Variants in BRSK2 observed in about 807,000 individuals in gnomAD.
BRSK2 encodes the protein serine/threonine-protein kinase BRSK2.
Under a neutral mutation model 83.3 loss-of-function variants are expected in BRSK2, and 19 were observed. The ratio of observed to expected loss-of-function variants is 0.23; its 90% CI spans 0.16 to 0.33. The LOEUF (loss-of-function observed/expected upper bound fraction) is 0.33. Among genes scored for constraint, BRSK2 ranks in the 10% least tolerant of loss-of-function variants. The pLI, the probability that BRSK2 is intolerant of heterozygous loss-of-function variation, is 1.00. For missense variants in BRSK2, 798 were observed against 1,042.3 expected, an observed-to-expected ratio of 0.77 and a Z score of 3.23; for synonymous variants, 519 against 435.4, an observed-to-expected ratio of 1.19 and a Z score of -2.39.
chr11:1,446,372 G>A (rs1852124625), intron 12 of BRSK2, among the ~76,000 whole-genome samples: 2 of 149,126 alleles, frequency 1.3e-5, no homozygotes, highest in Admixed American at 6.7e-5. Flanking sequence ...GCTGGGCTGA[G>A]CTGGGCAGGG....
intron 12 of BRSK2, among the ~76,000 whole-genome samples, chr11:1,447,644 G>A (rs957273765): frequency 1.3e-5 from 2 of 152,174 alleles, no homozygotes; most frequent in Non-Finnish European, 2.9e-5. Flanking sequence ...GGTGCGGGGT[G>A]TGCTGTCTGG....
At position 1,438,481 on chromosome 11, in the gene BRSK2, G is replaced by A. The variant is rs1850641916; in HGVS notation, c.272+90G>A. On this transcript the variant is annotated intron_variant, in intron 3 of 19. Transcript: ENST00000528841. The surrounding 1 kb of genome is among the most constrained non-coding windows in gnomAD (Gnocchi z 6.4). ...TGTCTGGGGCTTGGGGAGCACAGGG[G>A]CTGGAGGCCAGGGGCGCCTGCTGCA... is the stretch of plus-strand genomic sequence containing the variant. 5 of 1,252,094 alleles carry A rather than the reference G, an allele frequency of 4.0e-6. No homozygotes were observed. The African/African-American group carries it at 4.5e-5, about 11-fold the overall frequency. 77.6% of individuals were successfully genotyped at this position (1,252,094 alleles called of 1,614,324 possible).
chr11:1,461,136 C>T lies in BRSK2; in HGVS notation c.*413C>T, dbSNP rs908114746. ...GGCAGCTCCTCGCCTCAGCTCCGCA[C>T]GGCCCGTGGGAGGAAGGCCAGGCTC... On this transcript the variant is annotated 3_prime_UTR_variant, in exon 20 of 20. Coordinates refer to ENST00000528841, the MANE Select transcript of BRSK2 (RefSeq NM_001256627.2). 11 of 1,244,174 alleles carry T rather than the reference C, an allele frequency of 8.8e-6. No individual in the cohort carries two copies. In the Admixed American group the frequency reaches 9.6e-5, roughly 11 times the overall value. 77.1% of individuals were successfully genotyped at this position (1,244,174 alleles called of 1,614,324 possible). A position where few individuals can be genotyped will look rare whatever the true frequency, so the allele number is the denominator to read the frequency against.
intron 4 of BRSK2, 139 bp from the exon 5 acceptor site, chr11:1,442,351 C>T (rs1248071283): frequency 1.6e-6 from 1 of 634,060 alleles, no homozygotes; most frequent in South Asian, 1.8e-5. Context: ...CCTATGACAT[C>T]ACCAGGCTGG....
At chr11:1,421,540 A>C (rs1424714135) in intron 1 of BRSK2, among the ~76,000 whole-genome samples, 3 of 152,108 alleles carry the variant, frequency 2.0e-5, no homozygotes, top group Admixed American at 1.3e-4. Context: ...TTAACTAGAG[A>C]GGTTCTTTTC....
intron 1 of BRSK2, among the ~76,000 whole-genome samples, chr11:1,397,122 G>C (rs564820820): frequency 6.6e-6 from 1 of 152,206 alleles, no homozygotes; most frequent in African/African-American, 2.4e-5. Context: ...GGGCAGCCCC[G>C]CTTTCACCTG....
At chr11:1,435,632 T>C (rs1850205054) in intron 1 of BRSK2, among the ~76,000 whole-genome samples, 1 of 138,694 alleles carries the variant, frequency 7.2e-6, no homozygotes, top group African/African-American at 2.7e-5. Context: ...GGCTGAGGTA[T>C]CTCTGCAGAA....
At chr11:1,414,641 C>T (rs1847900080) in intron 1 of BRSK2, among the ~76,000 whole-genome samples, 2 of 152,118 alleles carry the variant, frequency 1.3e-5, no homozygotes, top group Admixed American at 1.3e-4. Context: ...TAAAATTAAC[C>T]ATACAATTCA....
chr11:1,426,324 G>A (rs1000561844), intron 1 of BRSK2, among the ~76,000 whole-genome samples: 1 of 152,072 alleles, frequency 6.6e-6, no homozygotes, highest in Non-Finnish European at 1.5e-5. Context: ...GGGGATGTGT[G>A]TGGGGCGTGC....
chr11:1,451,950 G>T (rs541619958), intron 15 of BRSK2, among the ~76,000 whole-genome samples: 12 of 152,154 alleles, frequency 7.9e-5, no homozygotes, highest in African/African-American at 2.9e-4. Flanking sequence ...TCTGGACAAA[G>T]ATGTCCCCAG....
chr11:1,444,903 C>T (rs1851809558), intron 8 of BRSK2, 68 bp from the exon 9 acceptor site: 6 of 1,498,110 alleles, frequency 4.0e-6, no homozygotes, highest in South Asian at 3.4e-5. Flanking sequence ...TGCCTTCCCC[C>T]TCACCTCCTA....
At chr11:1,419,574 C>CA (rs1848452006) in intron 1 of BRSK2, among the ~76,000 whole-genome samples, 1 of 152,208 alleles carries the variant, frequency 6.6e-6, no homozygotes, top group Non-Finnish European at 1.5e-5. Context: ...TGCAGCCACT[C>CA]ACTAAATCCT....
chr11:1,449,109 C>G (rs2133172454), intron 12 of BRSK2, among the ~76,000 whole-genome samples: 1 of 152,360 alleles, frequency 6.6e-6, no homozygotes, highest in South Asian at 2.1e-4. Flanking sequence ...CCGTCCTGGT[C>G]CCTGCACGGG....
intron 1 of BRSK2, among the ~76,000 whole-genome samples, chr11:1,426,800 G>A (rs1849286486): frequency 6.6e-6 from 1 of 152,050 alleles, no homozygotes; most frequent in African/African-American, 2.4e-5. Context: ...CGGGGCTGCT[G>A]GGGAGGAGCT....
chr11:1,415,096 T>A (rs865929830), intron 1 of BRSK2, among the ~76,000 whole-genome samples: 281 of 104,508 alleles, frequency 2.7e-3, no homozygotes, highest in African/African-American at 7.6e-3. Flanking sequence ...GTCTTTACCT[T>A]TTTTTTTTTT....
In BRSK2 at chr11:1,442,535, C is replaced by G; in HGVS notation, c.459C>G (p.Asn153Lys). 1 of 1,613,148 alleles carries G rather than the reference C, an allele frequency of 6.2e-7. No individual in the cohort carries two copies. Among genetic ancestry groups the G allele is most frequent in the Non-Finnish European group, 8.5e-7 (1 of 1,179,778 alleles). The change falls in exon 5 of 20, where the codon AAC becomes AAG. Residue 153 changes from asparagine to lysine, a missense_variant. By Grantham distance (94) the Asn-to-Lys change is moderately conservative (BLOSUM62 0). Transcript: ENST00000528841. ...AAAACCTCCTGCTGGACGAGAAGAACAACATCCGCATCGCAGACTTTGGCA... is the reference window on the plus strand; with the variant it reads ...AAAACCTCCTGCTGGACGAGAAGAAGAACATCCGCATCGCAGACTTTGGCA... ...KPENLLLDEK[N>K]NIRIADFGMA...
chr11:1,408,842 C>T (rs1279166883), intron 1 of BRSK2, among the ~76,000 whole-genome samples: 2 of 136,380 alleles, frequency 1.5e-5, no homozygotes, highest in East Asian at 4.1e-4. Flanking sequence ...TGTGGCTGTG[C>T]TGGGGTGTGT....
intron 12 of BRSK2, among the ~76,000 whole-genome samples, chr11:1,446,496 A>C (rs1852147927): frequency 6.6e-6 from 1 of 152,108 alleles, no homozygotes; most frequent in African/African-American, 2.4e-5. Context: ...TGGTCACACC[A>C]TGCTCAGAGC....
At chr11:1,433,324 C>G (rs1011777964) in intron 1 of BRSK2, among the ~76,000 whole-genome samples, 11 of 152,266 alleles carry the variant, frequency 7.2e-5, no homozygotes, top group South Asian at 2.1e-4. Flanking sequence ...TCCTGCTTCA[C>G]CCCTGCACCC....
Sources: allele counts gnomAD v4.1 joint callset (sites outside exome capture counted in the v4.1 genomes callset), GRCh38; gene constraint gnomAD v4.1.1; non-coding constraint Gnocchi (gnomAD v3.1); transcripts MANE v1.5; gene names NCBI Gene and HGNC (gene_info 2026-07-23, HGNC 2026-07-21).